The following RAPGEF5 variants were observed in gnomAD, a reference collection of about 807,000 sequenced individuals.
RAPGEF5 encodes the protein Rap guanine nucleotide exchange factor 5.
A neutral mutation model predicts 125.2 loss-of-function variants in RAPGEF5; 65 were observed. The ratio of observed to expected loss-of-function variants is 0.52; its 90% CI spans 0.43 to 0.64. The LOEUF (loss-of-function observed/expected upper bound fraction) is 0.64. Ranked by LOEUF, RAPGEF5 falls within the 30% of genes least tolerant of loss-of-function variation. The pLI, the probability that RAPGEF5 is intolerant of heterozygous loss-of-function variation, is 0.00. For missense variants in RAPGEF5, 958 were observed against 1,048.1 expected, an observed-to-expected ratio of 0.91 and a Z score of 1.19; for synonymous variants, 391 against 385.9, an observed-to-expected ratio of 1.01 and a Z score of -0.16.
chr7:22,230,086 C>T (rs757297857), intron 8 of RAPGEF5, among the ~76,000 whole-genome samples: 5 of 152,002 alleles, frequency 3.3e-5, no homozygotes, highest in Non-Finnish European at 7.4e-5. Context: ...ATTTAGAAAC[C>T]CTTGTCCCAC....
At chr7:22,229,037 T>C (rs892347418) in intron 8 of RAPGEF5, among the ~76,000 whole-genome samples, 2 of 152,128 alleles carry the variant, frequency 1.3e-5, no homozygotes, top group African/African-American at 2.4e-5. Context: ...CTGTCTAGCA[T>C]AGTGGGGACA....
rs746401368 is a variant in RAPGEF5 at position 22,154,447 on chromosome 7, C to A, written c.1786+8G>T. The A allele has an allele frequency of 6.8e-6, 11 of 1,612,954 alleles. No homozygotes were observed. The highest frequency in any genetic ancestry group is 7.6e-6 in the Non-Finnish European group (9 of 1,179,526). On this transcript the variant is annotated splice_region_variant and intron_variant, in intron 17 of 25. Transcript: ENST00000665637. ...AAGATTAATATTCAAGGGTAGAAAA[C>A]AACTTACCCCCAGAGAATGTGATGG...
chr7:22,193,895 G>T lies in RAPGEF5; in HGVS notation c.1115+20C>A. 1 of 1,612,998 alleles carries T rather than the reference G, an allele frequency of 6.2e-7. No homozygotes were observed. The highest frequency in any genetic ancestry group is 8.5e-7 in the Non-Finnish European group (1 of 1,179,380). On this transcript the variant is annotated intron_variant, in intron 10 of 25. Coordinates refer to ENST00000665637, the MANE Select transcript of RAPGEF5 (RefSeq NM_012294.5). ...AGGAAACGGGAGCGCGTGCCTCTGT[G>T]GCTGCAGGGAAACTCTCACCTCCAA...
chr7:22,338,749 C>T (rs1342626703), intron 1 of RAPGEF5, among the ~76,000 whole-genome samples: 2 of 152,232 alleles, frequency 1.3e-5, no homozygotes, highest in African/African-American at 4.8e-5. Context: ...TATTTCTTCA[C>T]ATGCTGCATT....
At chr7:22,127,798 C>G (rs1782795399) in intron 24 of RAPGEF5, among the ~76,000 whole-genome samples, 1 of 152,132 alleles carries the variant, frequency 6.6e-6, no homozygotes, top group African/African-American at 2.4e-5. Flanking sequence ...AAAATATGTT[C>G]TTACTTAAAA....
intron 6 of RAPGEF5, among the ~76,000 whole-genome samples, chr7:22,277,126 C>T (rs1782575361): frequency 6.6e-6 from 1 of 152,138 alleles, no homozygotes; most frequent in African/African-American, 2.4e-5. Flanking sequence ...CTTTTTCAGA[C>T]TTTACTTTCA....
chr7:22,255,930 T>G (rs1786748455), intron 7 of RAPGEF5, among the ~76,000 whole-genome samples: 1 of 152,208 alleles, frequency 6.6e-6, no homozygotes, highest in Non-Finnish European at 1.5e-5. Context: ...TTGGAAAACC[T>G]GAGTCTGCAT....
chr7:22,321,911 A>T (rs1480418973), intron 1 of RAPGEF5, among the ~76,000 whole-genome samples: 1 of 152,182 alleles, frequency 6.6e-6, no homozygotes, highest in Non-Finnish European at 1.5e-5. Context: ...TTCAGCCCCC[A>T]AATAAACTTA....
intron 1 of RAPGEF5, among the ~76,000 whole-genome samples, chr7:22,352,094 G>T (rs1269224714): frequency 6.6e-6 from 1 of 152,168 alleles, no homozygotes; most frequent in African/African-American, 2.4e-5. Context: ...GAGCAATTTG[G>T]CACAACTGGT....
intron 7 of RAPGEF5, among the ~76,000 whole-genome samples, chr7:22,236,177 CT>C (rs1193129162): frequency 1.3e-5 from 2 of 152,164 alleles, no homozygotes; most frequent in Non-Finnish European, 2.9e-5. Context: ...ATCCTCAAAT[CT>C]TCTAAAAATG....
chr7:22,196,984 G>A (rs1195932739), intron 9 of RAPGEF5, among the ~76,000 whole-genome samples: 1 of 152,148 alleles, frequency 6.6e-6, no homozygotes, highest in East Asian at 1.9e-4. Context: ...TCACACTAAG[G>A]GGAAGAAGTA....
intron 5 of RAPGEF5, among the ~76,000 whole-genome samples, chr7:22,297,540 G>T (rs1033490861): frequency 1.3e-5 from 2 of 152,108 alleles, no homozygotes; most frequent in Admixed American, 6.5e-5. Context: ...AAGATTAAAG[G>T]CCATGAATAT....
At chr7:22,132,288 C>T (rs1471137652) in intron 23 of RAPGEF5, among the ~76,000 whole-genome samples, 1 of 152,144 alleles carries the variant, frequency 6.6e-6, no homozygotes, top group Non-Finnish European at 1.5e-5. Flanking sequence ...ACAGTTACAG[C>T]ACACACTGAT....
At chr7:22,316,487 A>AT (rs879849683) in intron 2 of RAPGEF5, among the ~76,000 whole-genome samples, 347 of 34,056 alleles carry the variant, frequency 0.01, 4 homozygotes, top group East Asian at 0.015. Flanking sequence ...ATATATATAT[A>AT]TATTTTTTTT....
At chr7:22,141,444 C>T (rs1583403274) in intron 20 of RAPGEF5, among the ~76,000 whole-genome samples, 1 of 152,218 alleles carries the variant, frequency 6.6e-6, no homozygotes, top group Non-Finnish European at 1.5e-5. Context: ...ATAAGCTGAG[C>T]TGTGGAGTAA....
At chr7:22,341,097 G>T (rs1784119461) in intron 1 of RAPGEF5, among the ~76,000 whole-genome samples, 1 of 152,168 alleles carries the variant, frequency 6.6e-6, no homozygotes, top group African/African-American at 2.4e-5. Context: ...TGCTGATAAA[G>T]ACATACCCAG....
intron 11 of RAPGEF5, among the ~76,000 whole-genome samples, chr7:22,170,764 T>C (rs1375647258): frequency 6.6e-6 from 1 of 152,204 alleles, no homozygotes; most frequent in Non-Finnish European, 1.5e-5. Flanking sequence ...AAATGCTTAT[T>C]TTCTCCTAAG....
At position 22,154,530 on chromosome 7, in the gene RAPGEF5, T is replaced by C; in HGVS notation, c.1711A>G (p.Ile571Val). ...ATCTTTTCTGCCACGACTTTTAGGA[T>C]CTCTTGGGCTATACTGGAAACTTTT... ...KAKVSSIAQEILKVVAEKIQY... is the reference protein window; with the variant it reads ...KAKVSSIAQEVLKVVAEKIQY... Residue 571 changes from isoleucine to valine, a missense_variant, in exon 17 of 26, where the codon ATC becomes GTC. Coordinates refer to ENST00000665637, the MANE Select transcript of RAPGEF5 (RefSeq NM_012294.5). The C allele has an allele frequency of 1.2e-6, 2 of 1,613,894 alleles. No homozygotes were observed. Among genetic ancestry groups the C allele is most frequent in the Non-Finnish European group, 1.7e-6 (2 of 1,179,820 alleles).
chr7:22,264,623 A>T (rs1253289496), intron 7 of RAPGEF5, among the ~76,000 whole-genome samples: 1 of 152,142 alleles, frequency 6.6e-6, no homozygotes, highest in Non-Finnish European at 1.5e-5. Flanking sequence ...CATCTGGCAT[A>T]ATGTGTCCAC....
Sources: gnomAD v4.1 joint callset for allele counts (sites outside exome capture counted in the v4.1 genomes callset) on GRCh38, gnomAD v4.1.1 for gene constraint, MANE v1.5 for transcripts, NCBI Gene and HGNC (gene_info 2026-07-23, HGNC 2026-07-21) for gene names.